PSD3: variants seen among roughly 807,000 people sequenced by gnomAD.
PSD3 encodes PH and SEC7 domain-containing protein 3.
In PSD3, 49 loss-of-function variants were observed where a neutral mutation model predicts 105.5. The observed-to-expected ratio is 0.46, with a 90% CI of 0.37 to 0.59. The LOEUF is 0.59. PSD3 is among the 20% of genes least tolerant of loss of function. PSD3 has a pLI of 0.00. For missense variants in PSD3, 1,561 were observed against 1,263.8 expected, an observed-to-expected ratio of 1.24 and a Z score of -3.57; for synonymous variants, 557 against 457.8, an observed-to-expected ratio of 1.22 and a Z score of -2.77.
chr8:19,061,915 G>A (rs1183455189), intron 1 of PSD3, among the ~76,000 whole-genome samples: 1 of 151,792 alleles, frequency 6.6e-6, no homozygotes, highest in Non-Finnish European at 1.5e-5. Flanking sequence ...TCAAGGTCAT[G>A]TCCTATATTC....
chr8:18,700,895 T>C (rs1801539006), intron 9 of PSD3, among the ~76,000 whole-genome samples: 2 of 152,192 alleles, frequency 1.3e-5, no homozygotes. Context: ...TCAGTTTATA[T>C]ATCTGTACTG....
intron 2 of PSD3, among the ~76,000 whole-genome samples, chr8:18,917,687 C>A (rs746970142): frequency 3.3e-5 from 5 of 152,120 alleles, no homozygotes; most frequent in African/African-American, 4.8e-5. Context: ...TTTGCTCTTG[C>A]GATTTCCCAC....
At chr8:18,982,521 C>G (rs970752393) in intron 1 of PSD3, among the ~76,000 whole-genome samples, 1 of 152,110 alleles carries the variant, frequency 6.6e-6, no homozygotes, top group African/African-American at 2.4e-5. Context: ...CAGCTACAGA[C>G]TTATGAAATA....
chr8:18,732,309 G>A (rs1026086598), intron 9 of PSD3, among the ~76,000 whole-genome samples: 5 of 152,202 alleles, frequency 3.3e-5, no homozygotes, highest in African/African-American at 1.2e-4. Flanking sequence ...ACCGTAAACA[G>A]ATATGAGAAA....
chr8:18,892,760 G>A (rs1390248483), intron 2 of PSD3, among the ~76,000 whole-genome samples: 2 of 151,798 alleles, frequency 1.3e-5, no homozygotes, highest in East Asian at 3.9e-4. Context: ...AAGTAGCTGG[G>A]ATTACAGGCA....
chr8:18,698,066 C>G (rs767789955), intron 9 of PSD3, among the ~76,000 whole-genome samples: 2 of 151,754 alleles, frequency 1.3e-5, no homozygotes, highest in Non-Finnish European at 2.9e-5. Flanking sequence ...AAGAGATTAC[C>G]CTGGGTTGTC....
chr8:18,772,214 A>C (rs1807604698), intron 8 of PSD3, among the ~76,000 whole-genome samples: 1 of 152,204 alleles, frequency 6.6e-6, no homozygotes, highest in South Asian at 2.1e-4. Context: ...TCTCTTCAAA[A>C]TCCAGCTTTA....
intron 2 of PSD3, among the ~76,000 whole-genome samples, chr8:18,897,532 T>C (rs1582809): frequency 0.047 from 7,152 of 152,292 alleles, 205 homozygotes; most frequent in South Asian, 0.082. Flanking sequence ...TTTCTATTTC[T>C]GTGATGAATG....
intron 1 of PSD3, among the ~76,000 whole-genome samples, chr8:19,006,606 T>C (rs1206681689): frequency 6.6e-6 from 1 of 152,104 alleles, no homozygotes; most frequent in East Asian, 1.9e-4. Flanking sequence ...TGTGACTGTC[T>C]ACCTTCCAGA....
intron 8 of PSD3, 196 bp downstream of exon 8, chr8:18,799,099 G>A: frequency 1.8e-6 from 1 of 540,822 alleles, no homozygotes. Flanking sequence ...CAGGACGATG[G>A]ATTTAAAGTC....
At chr8:18,877,522 T>C (rs1200685069) in intron 2 of PSD3, among the ~76,000 whole-genome samples, 1 of 151,050 alleles carries the variant, frequency 6.6e-6, no homozygotes, top group Non-Finnish European at 1.5e-5. Flanking sequence ...CTCAAGTCCA[T>C]TGAGCTAGAT....
At chr8:18,780,214 CT>C (rs1808474634) in intron 8 of PSD3, among the ~76,000 whole-genome samples, 3 of 152,168 alleles carry the variant, frequency 2.0e-5, no homozygotes. Flanking sequence ...TCTATTTTAT[CT>C]GATACTAGTG....
chr8:18,724,997 C>A (rs991126485), intron 9 of PSD3, among the ~76,000 whole-genome samples: 1 of 152,132 alleles, frequency 6.6e-6, no homozygotes, highest in African/African-American at 2.4e-5. Flanking sequence ...TTTTAAAAGA[C>A]AAAGTGAACA....
In PSD3 at chr8:18,924,211, T is replaced by G. The variant is rs182050653; in HGVS notation, c.130+11823A>C. ...GTTATAGTCACTTCCTGGCCCACTT[T>G]GTCAAGCCAAAACAGACCATTGGAA... On this transcript the variant is annotated intron_variant, in intron 2 of 15. Coordinates refer to ENST00000327040, the MANE Select transcript of PSD3 (RefSeq NM_015310.4). Among the ~76,000 whole-genome samples, 46 of 152,288 alleles carry G rather than the reference T, an allele frequency of 3.0e-4. No individual in the cohort carries two copies. The East Asian group carries it at 7.7e-3, about 26-fold the overall frequency.
chr8:18,536,193 C>G (rs932382769), intron 15 of PSD3, among the ~76,000 whole-genome samples: 2 of 152,212 alleles, frequency 1.3e-5, no homozygotes, highest in Non-Finnish European at 2.9e-5. Flanking sequence ...GTTCTAGATT[C>G]TGACAGAATG....
intron 1 of PSD3, among the ~76,000 whole-genome samples, chr8:18,942,113 G>C (rs997442399): frequency 1.3e-5 from 2 of 152,154 alleles, no homozygotes; most frequent in African/African-American, 4.8e-5. Flanking sequence ...GGAGTGAGGA[G>C]GGAGAAAAAG....
intron 9 of PSD3, among the ~76,000 whole-genome samples, chr8:18,723,939 G>C (rs977115168): frequency 6.6e-6 from 1 of 152,076 alleles, no homozygotes; most frequent in Non-Finnish European, 1.5e-5. Flanking sequence ...CATACACAAT[G>C]GAATACCTAA....
At chr8:19,041,370 T>C (rs758345335) in intron 1 of PSD3, among the ~76,000 whole-genome samples, 131 of 152,300 alleles carry the variant, frequency 8.6e-4, no homozygotes, top group Admixed American at 3.4e-3. Context: ...ACGATACTCA[T>C]TTTAGTTATA....
intron 9 of PSD3, among the ~76,000 whole-genome samples, chr8:18,664,268 G>A (rs900363182): frequency 6.6e-6 from 1 of 152,126 alleles, no homozygotes; most frequent in Admixed American, 6.5e-5. Flanking sequence ...TAAATGAAAA[G>A]AAAAAGTTCT....
Sources: gnomAD v4.1 joint callset for allele counts (sites outside exome capture counted in the v4.1 genomes callset) on GRCh38, gnomAD v4.1.1 for gene constraint, MANE v1.5 for transcripts, NCBI Gene and HGNC (gene_info 2026-07-23, HGNC 2026-07-21) for gene names.